The following ASTL variants were observed in gnomAD, a reference collection of about 807,000 sequenced individuals.
ASTL encodes astacin like metalloendopeptidase, also known as astacin-like metalloendopeptidase.
Under a neutral mutation model 36.7 loss-of-function variants are expected in ASTL, and 27 were observed. The observed-to-expected ratio is 0.73, with a 90% CI of 0.54 to 1.01. The LOEUF is 1.01. Ranked by LOEUF, ASTL falls within the 50% of genes least tolerant of loss-of-function variation. The pLI is 0.00. For synonymous variants in ASTL, 222 were observed against 228.1 expected (o/e 0.97, Z 0.24); for missense variants, 524 against 572.8 (o/e 0.91, Z 0.87).
intron 4 of ASTL, 27 bp downstream of exon 4, chr2:96,133,938 G>C: frequency 8.0e-6 from 12 of 1,496,312 alleles, no homozygotes; most frequent in Non-Finnish European, 1.1e-5. Flanking sequence ...GGCTGAGGCA[G>C]GGAGGGAGCG....
intron 8 of ASTL, among the ~76,000 whole-genome samples, chr2:96,127,298 C>T (rs535024612): frequency 1.3e-5 from 2 of 152,272 alleles, no homozygotes; most frequent in South Asian, 2.1e-4. Context: ...GAATCTGGGT[C>T]AGGGGTTATG....
Position 96,124,265 on chromosome 2 carries a change from T to C in ASTL, c.881A>G (p.His294Arg). The C allele has an allele frequency of 1.3e-6, 2 of 1,507,832 alleles. No homozygotes were observed. Among genetic ancestry groups the C allele is most frequent in the Middle Eastern group, 2.0e-4 (1 of 5,126 alleles). The allele number at this position is 1,507,832 out of a possible 1,614,324, so 93.4% of individuals were successfully genotyped here. ...SGPRPRGRGS[H>R]AHSTGRSPAP... ...GGGGCTCCTACCAGTGCTGTGGGCA[T>C]GGGACCCTGCAACAGAAAAGACAGG... The change falls in exon 9 of 9, where the codon CAT becomes CGT. Residue 294 changes from histidine to arginine, a missense_variant. By Grantham distance (29) the His-to-Arg change is conservative. Coordinates refer to ENST00000342380, the MANE Select transcript of ASTL (RefSeq NM_001002036.4). This position sits in a 1 kb window ranked among gnomAD's most constrained non-coding sequence, Gnocchi z 4.1.
intron 1 of ASTL, among the ~76,000 whole-genome samples, chr2:96,138,156 G>T (rs1319624230): frequency 2.0e-5 from 3 of 152,196 alleles, no homozygotes; most frequent in Non-Finnish European, 4.4e-5. Context: ...TAGGCCTGGG[G>T]CACAACACTT....
At chr2:96,136,709 G>A (rs116385772) in intron 2 of ASTL, among the ~76,000 whole-genome samples, 36 of 152,268 alleles carry the variant, frequency 2.4e-4, no homozygotes, top group African/African-American at 7.5e-4. Flanking sequence ...TGTTCAGCCC[G>A]ATTGCTTCAA....
chr2:96,131,079 A>C (rs1381908737), intron 6 of ASTL, among the ~76,000 whole-genome samples: 3 of 152,170 alleles, frequency 2.0e-5, no homozygotes, highest in Admixed American at 6.5e-5. Flanking sequence ...TCCACTGGGG[A>C]ACCCGTGTTT....
Position 96,124,307 on chromosome 2 carries a change from C to G in ASTL, c.875-36G>C. ...AAAGACAGGAGGTGGAACCTCAGAA[C>G]TGTAGGATGACATGTGGCCCAGCTG... On this transcript the variant is annotated intron_variant, in intron 8 of 8. Coordinates refer to ENST00000342380, the MANE Select transcript of ASTL (RefSeq NM_001002036.4). This position sits in a 1 kb window ranked among gnomAD's most constrained non-coding sequence, Gnocchi z 4.1. 2 of 1,481,702 alleles carry G rather than the reference C, an allele frequency of 1.3e-6. No homozygotes were observed. Among genetic ancestry groups the G allele is most frequent in the Non-Finnish European group, 1.8e-6 (2 of 1,116,934 alleles). The allele number at this position is 1,481,702 out of a possible 1,614,324, so 91.8% of individuals were successfully genotyped here. A position where few individuals can be genotyped will look rare whatever the true frequency, so the allele number is the denominator to read the frequency against.
At position 96,132,670 on chromosome 2, in the gene ASTL, C is replaced by T. The variant is rs369122887; in HGVS notation, c.507G>A (p.Ala169=). 4.7e-5 allele frequency: 76 copies of T among 1,613,026 alleles called. No homozygotes were observed. Among genetic ancestry groups the T allele is most frequent in the African/African-American group, 2.9e-4 (22 of 74,914 alleles). The change falls in exon 6 of 9, where the codon GCG becomes GCA. Residue 169 remains alanine (A), a synonymous_variant. Transcript: ENST00000342380. The surrounding 1 kb of genome is among the most constrained non-coding windows in gnomAD (Gnocchi z 5.4). ...CCCGGCCCTTCTGGAGACACGTGGG[C>T]GCCAGGGAGACCACCTGCATCCCTC... ...RSGGMQVVSL[A]PTCLQKGRGI...
At chr2:96,133,652 A>G in intron 4 of ASTL, 110 bp from the exon 5 acceptor site, 1 of 818,840 alleles carries the variant, frequency 1.2e-6, no homozygotes, top group Admixed American at 2.0e-5. Context: ...GCATCAAGAA[A>G]GGGCAGCTTA....
In ASTL at chr2:96,137,618, T is replaced by C. The variant is rs778539631; in HGVS notation, c.138A>G (p.Gly46=). The change falls in exon 2 of 9, where the codon GGA becomes GGG. Residue 46 remains glycine (G), a synonymous_variant. Transcript: ENST00000342380. The part of the protein sequence containing the change: ...TSFPDGLTPE[G]TQASGDKDIP... ...TGTCCTTGTCCCCGGAGGCCTGGGT[T>C]CCCTCAGGGGTGAGGCCATCTGGGA... 1 of 1,613,900 alleles carries C rather than the reference T, an allele frequency of 6.2e-7. No individual in the cohort carries two copies. The highest frequency in any genetic ancestry group is 8.5e-7 in the Non-Finnish European group (1 of 1,179,854).
At chr2:96,133,189 C>T (rs1172274749) in intron 5 of ASTL, among the ~76,000 whole-genome samples, 1 of 152,230 alleles carries the variant, frequency 6.6e-6, no homozygotes, top group Non-Finnish European at 1.5e-5. Flanking sequence ...TCCTCACCAC[C>T]TCATGGAGTC....
rs1034725054 is a variant in ASTL at position 96,138,490 on chromosome 2, G to A, written c.-54C>T. On this transcript the variant is annotated 5_prime_UTR_variant, in exon 1 of 9. Transcript: ENST00000342380. Reference sequence around the variant, plus strand: ...CAAGACCAAGCCCCAGCAAGACACAGTAACCTAATTGCAGAACCGGCACCA... The same window carrying A: ...CAAGACCAAGCCCCAGCAAGACACAATAACCTAATTGCAGAACCGGCACCA... 15 of 1,506,496 alleles carry A rather than the reference G, an allele frequency of 1.0e-5. No individual in the cohort carries two copies. Among genetic ancestry groups the A allele is most frequent in the African/African-American group, 1.4e-5 (1 of 72,742 alleles). 93.3% of individuals were successfully genotyped at this position (1,506,496 alleles called of 1,614,324 possible).
intron 6 of ASTL, among the ~76,000 whole-genome samples, chr2:96,130,552 C>T (rs1197036932): frequency 6.6e-6 from 1 of 152,238 alleles, no homozygotes; most frequent in Admixed American, 6.5e-5. Context: ...AGCTGCCACG[C>T]TGTCATCTGC....
At chr2:96,126,293 T>C (rs896661735) in intron 8 of ASTL, among the ~76,000 whole-genome samples, 27 of 152,164 alleles carry the variant, frequency 1.8e-4, no homozygotes, top group Admixed American at 1.5e-3. Flanking sequence ...GTCTAGAATA[T>C]ATAAAGAACT....
chr2:96,126,963 G>T (rs1429119653), intron 8 of ASTL, among the ~76,000 whole-genome samples: 1 of 151,998 alleles, frequency 6.6e-6, no homozygotes, highest in Non-Finnish European at 1.5e-5. Context: ...ACAAAATCTT[G>T]TACATAAATG....
upstream of ASTL, chr2:96,138,517 C>T: frequency 8.2e-7 from 1 of 1,223,124 alleles, no homozygotes; most frequent in East Asian, 2.5e-5. Context: ...CCGGCACCAC[C>T]ACCCCCTCTT....
chr2:96,130,267 A>G, intron 6 of ASTL, 122 bp from the exon 7 acceptor site: 1 of 746,832 alleles, frequency 1.3e-6, no homozygotes, highest in East Asian at 2.6e-5. Context: ...GGCTGAGCCC[A>G]CAGCCACCAT....
Position 96,132,675 on chromosome 2 carries a change from G to C in ASTL, c.502C>G (p.Leu168Val). ...GRSGGMQVVS[L>V]APTCLQKGRG... ...CCCTTCTGGAGACACGTGGGCGCCA[G>C]GGAGACCACCTGCATCCCTCCACTG... The change falls in exon 6 of 9, where the codon CTG (leucine) becomes GTG (valine). Residue 168 changes from leucine (L) to valine (V), a missense_variant. Leu to Val is a conservative substitution (Grantham distance 32, BLOSUM62 1). Transcript: ENST00000342380. The surrounding 1 kb of genome is among the most constrained non-coding windows in gnomAD (Gnocchi z 5.4). 6.2e-7 allele frequency: 1 copy of C among 1,613,264 alleles called. No homozygotes were observed. Among genetic ancestry groups the C allele is most frequent in the Middle Eastern group, 1.7e-4 (1 of 6,054 alleles).
In ASTL at chr2:96,123,750, G is replaced by A. The variant is rs369412037; in HGVS notation, c.*100C>T. The A allele has an allele frequency of 1.1e-6, 1 of 942,538 alleles. No homozygotes were observed. The highest frequency in any genetic ancestry group is 1.6e-6 in the Non-Finnish European group (1 of 614,588). The allele number at this position is 942,538 out of a possible 1,614,324, so 58.4% of individuals were successfully genotyped here. On this transcript the variant is annotated 3_prime_UTR_variant, in exon 9 of 9. Transcript: ENST00000342380. ...CTCTGAGATGGGGTGGTAGGTTGGG[G>A]CTGGAAGACAGTGGTGTGGCCCAAA... is the stretch of plus-strand genomic sequence containing the variant.
intron 4 of ASTL, 187 bp from the exon 5 acceptor site, chr2:96,133,729 C>T: frequency 3.1e-6 from 2 of 635,252 alleles, no homozygotes; most frequent in South Asian, 3.7e-5. Context: ...GGTCACTGTC[C>T]TCTGCACCGC....
Sources: allele counts gnomAD v4.1 joint callset (sites outside exome capture counted in the v4.1 genomes callset), GRCh38; gene constraint gnomAD v4.1.1; non-coding constraint Gnocchi (gnomAD v3.1); transcripts MANE v1.5; gene names NCBI Gene and HGNC (gene_info 2026-07-23, HGNC 2026-07-21).